LIMCH1: variants seen among roughly 807,000 people sequenced by gnomAD.
LIMCH1 encodes LIM and calponin homology domains 1, also known as LIM and calponin homology domains-containing protein 1.
LIMCH1 carries 113 observed loss-of-function variants against 176.5 expected under a neutral mutation model. That is an observed-to-expected ratio of 0.64 (90% CI 0.55 to 0.75). The LOEUF is 0.75. Among genes scored for constraint, LIMCH1 ranks in the 30% least tolerant of loss-of-function variants. LIMCH1 has a pLI of 0.00. For missense variants in LIMCH1, 1,674 were observed against 1,814.9 expected (o/e 0.92, Z 1.41); for synonymous variants, 619 against 645.9 (o/e 0.96, Z 0.63).
intron 31 of LIMCH1, among the ~76,000 whole-genome samples, chr4:41,693,900 A>T (rs714145): frequency 6.6e-6 from 1 of 152,174 alleles, no homozygotes; most frequent in African/African-American, 2.4e-5. Context: ...AAGGATGCCA[A>T]CAGAACAACC....
intron 1 of LIMCH1, among the ~76,000 whole-genome samples, chr4:41,374,377 A>G (rs888584401): frequency 2.6e-5 from 4 of 152,162 alleles, no homozygotes; most frequent in Non-Finnish European, 5.9e-5. Context: ...GGCATCTCCC[A>G]AACCCCACAT....
At chr4:41,661,386 A>G in intron 18 of LIMCH1, 34 bp from the exon 19 acceptor site, 1 of 1,441,684 alleles carries the variant, frequency 6.9e-7, no homozygotes, top group South Asian at 1.2e-5. Flanking sequence ...TAAAGGAATC[A>G]TTTATTCAAG....
intron 1 of LIMCH1, among the ~76,000 whole-genome samples, chr4:41,598,192 C>A (rs1462222330): frequency 6.6e-6 from 1 of 152,076 alleles, no homozygotes; most frequent in African/African-American, 2.4e-5. Flanking sequence ...ATTTGCAATC[C>A]CTTTCAGAAG....
chr4:41,450,554 C>G (rs565744245), intron 1 of LIMCH1, among the ~76,000 whole-genome samples: 1 of 151,890 alleles, frequency 6.6e-6, no homozygotes, highest in South Asian at 2.1e-4. Flanking sequence ...GTAATCCCAG[C>G]ACTTTGGGAG....
chr4:41,617,832 G>C (rs1191135281), intron 5 of LIMCH1, among the ~76,000 whole-genome samples: 1 of 152,176 alleles, frequency 6.6e-6, no homozygotes, highest in Admixed American at 6.5e-5. Flanking sequence ...GCTCATTTCT[G>C]ACAGATCCAG....
intron 1 of LIMCH1, among the ~76,000 whole-genome samples, chr4:41,379,741 G>A (rs2055350841): frequency 6.6e-6 from 1 of 152,152 alleles, no homozygotes; most frequent in African/African-American, 2.4e-5. Context: ...ATGACGGTAA[G>A]ATATTCTCTC....
chr4:41,491,593 G>A lies in LIMCH1; in HGVS notation c.97-2943G>A, dbSNP rs556182067. Reference sequence around the variant, plus strand: ...AGACGATGAGCGGTCAGGCAGAGACGCTCCTCACTTCCTAGATGGGGTGGC... The same window carrying A: ...AGACGATGAGCGGTCAGGCAGAGACACTCCTCACTTCCTAGATGGGGTGGC... On this transcript the variant is annotated intron_variant, in intron 1 of 26. Transcript: ENST00000313860. 1.9e-3 allele frequency among the ~76,000 whole-genome samples: 281 copies of A among 147,030 alleles called. 2 individuals are homozygous for A. The highest frequency in any genetic ancestry group is 6.0e-3 in the African/African-American group (235 of 39,312).
At chr4:41,469,587 T>G (rs1250936015) in intron 1 of LIMCH1, among the ~76,000 whole-genome samples, 1 of 152,210 alleles carries the variant, frequency 6.6e-6, no homozygotes, top group Non-Finnish European at 1.5e-5. Context: ...GTTTATTTAT[T>G]TATTTGAATC....
chr4:41,532,390 G>A (rs1030233141), intron 3 of LIMCH1, among the ~76,000 whole-genome samples: 2 of 152,120 alleles, frequency 1.3e-5, no homozygotes, highest in Non-Finnish European at 2.9e-5. Flanking sequence ...ACTGAATGTG[G>A]AATAAAATCC....
intron 7 of LIMCH1, among the ~76,000 whole-genome samples, chr4:41,622,158 T>C (rs1024102857): frequency 1.3e-5 from 2 of 152,146 alleles, no homozygotes; most frequent in African/African-American, 2.4e-5. Flanking sequence ...TTTTTAAAAC[T>C]CCAGATTTTT....
rs1206320990 is a variant in LIMCH1, at chr4:41,605,961, T to C, written c.-35T>C. 1 of 1,613,838 alleles carries C rather than the reference T, an allele frequency of 6.2e-7. No individual in the cohort carries two copies. The highest frequency in any genetic ancestry group is 1.7e-5 in the Admixed American group (1 of 60,018). On this transcript the variant is annotated 5_prime_UTR_variant, in exon 4 of 32. Transcript: ENST00000503057. ...TGCACATCCTACAGCGGAACGACACTAAACCTGAAGGAGTTTGAAGGATTG... is the reference window on the plus strand; with the variant it reads ...TGCACATCCTACAGCGGAACGACACCAAACCTGAAGGAGTTTGAAGGATTG...
intron 1 of LIMCH1, among the ~76,000 whole-genome samples, chr4:41,545,434 G>A (rs1016162732): frequency 1.3e-5 from 2 of 152,188 alleles, no homozygotes; most frequent in African/African-American, 4.8e-5. Context: ...CAGTACGAGG[G>A]GAGAGTTACT....
At chr4:41,631,062 C>A in intron 9 of LIMCH1, 86 bp from the exon 10 acceptor site, 1 of 1,206,590 alleles carries the variant, frequency 8.3e-7, no homozygotes, top group Non-Finnish European at 1.1e-6. Flanking sequence ...CCAACTACTT[C>A]TAGTTTTTTT....
In LIMCH1 at chr4:41,593,429, C is replaced by T. The variant is rs570166877; in HGVS notation, c.-240-5491C>T. Among the ~76,000 whole-genome samples, 3 of 152,308 alleles carry T rather than the reference C, an allele frequency of 2.0e-5. No homozygotes were observed. In the South Asian group the frequency reaches 6.2e-4, roughly 32 times the overall value. ...AATGGTAACTTTCCATCAGTAGCAC[C>T]TGAGGATTTACCGCCATGAGTTTGC... On this transcript the variant is annotated intron_variant, in intron 1 of 31. Transcript: ENST00000503057.
intron 4 of LIMCH1, 42 bp from the exon 5 acceptor site, chr4:41,613,424 C>G: frequency 4.5e-6 from 7 of 1,555,194 alleles, no homozygotes; most frequent in Non-Finnish European, 5.3e-6. Flanking sequence ...ATAGTGTAGG[C>G]TAGAATTATG....
At chr4:41,485,082 A>G in intron 1 of LIMCH1, among the ~76,000 whole-genome samples, 1 of 152,244 alleles carries the variant, frequency 6.6e-6, no homozygotes, top group East Asian at 1.9e-4. Context: ...CATTGTAAAC[A>G]CACTGTGAAA....
chr4:41,454,038 A>T (rs1419018106), intron 1 of LIMCH1, among the ~76,000 whole-genome samples: 3 of 152,050 alleles, frequency 2.0e-5, no homozygotes, highest in African/African-American at 7.2e-5. Flanking sequence ...TGCTTTGGAG[A>T]AGCCTATCTG....
chr4:41,660,180 T>TATCA (rs2094573291), intron 18 of LIMCH1, among the ~76,000 whole-genome samples: 1 of 152,196 alleles, frequency 6.6e-6, no homozygotes, highest in Non-Finnish European at 1.5e-5. Context: ...TATTTTCACG[T>TATCA]ATCATTAACT....
chr4:41,511,983 A>G (rs891630913), intron 2 of LIMCH1, among the ~76,000 whole-genome samples: 1 of 152,228 alleles, frequency 6.6e-6, no homozygotes, highest in African/African-American at 2.4e-5. Flanking sequence ...ACAGAATGGG[A>G]AAAAATATTT....
Sources: allele counts gnomAD v4.1 joint callset (sites outside exome capture counted in the v4.1 genomes callset), GRCh38; gene constraint gnomAD v4.1.1; transcripts MANE v1.5; gene names NCBI Gene and HGNC (gene_info 2026-07-23, HGNC 2026-07-21).